ROBO1: variants seen among roughly 807,000 people sequenced by gnomAD.
The protein encoded by ROBO1 is roundabout homolog 1.
In ROBO1, 149 loss-of-function variants were observed where a neutral mutation model predicts 195.9. That is an observed-to-expected ratio of 0.76 (90% confidence interval 0.67 to 0.87). The LOEUF (loss-of-function observed/expected upper bound fraction) is 0.87. Ranked by LOEUF, ROBO1 falls within the 40% of genes least tolerant of loss-of-function variation. ROBO1 has a pLI of 0.00. For missense variants in ROBO1, 1,933 were observed against 2,068.3 expected, an observed-to-expected ratio of 0.93 and a Z score of 1.27; for synonymous variants, 816 against 733.2, an observed-to-expected ratio of 1.11 and a Z score of -1.82.
At chr3:79,416,959 TA>T (rs1342159967) in intron 2 of ROBO1, among the ~76,000 whole-genome samples, 3 of 152,122 alleles carry the variant, frequency 2.0e-5, no homozygotes, top group African/African-American at 7.2e-5. Context: ...ATTTCTCAGT[TA>T]AAAAAGTAAC....
intron 2 of ROBO1, among the ~76,000 whole-genome samples, chr3:79,379,830 G>T (rs1482587569): frequency 6.6e-6 from 1 of 152,060 alleles, no homozygotes; most frequent in African/African-American, 2.4e-5. Flanking sequence ...ATAAAATATT[G>T]AGCCCCATTG....
rs1267628777 is a variant in ROBO1 at position 79,090,974 on chromosome 3, G to GT, written c.172+34481dup. 2.0e-5 allele frequency among the ~76,000 whole-genome samples: 3 copies of GT among 152,030 alleles called. No individual in the cohort carries two copies. The East Asian group carries it at 5.8e-4, about 29-fold the overall frequency. On this transcript the variant is annotated intron_variant, in intron 3 of 30. Transcript: ENST00000464233. ...AGAATAATCATAGTTTTAATAGATA[G>GT]TTTTATGCTAAGTTTAGATTTCAGA...
At chr3:79,374,767 A>G (rs905362562) in intron 2 of ROBO1, among the ~76,000 whole-genome samples, 7 of 152,138 alleles carry the variant, frequency 4.6e-5, no homozygotes, top group Admixed American at 6.6e-5. Context: ...TATTTTTGCC[A>G]TTCAAAAAAA....
intron 21 of ROBO1, among the ~76,000 whole-genome samples, 182 bp downstream of exon 21, chr3:78,645,966 C>A (rs1706255731): frequency 6.6e-6 from 1 of 151,938 alleles, no homozygotes; most frequent in Non-Finnish European, 1.5e-5. Context: ...CTACTCCAAT[C>A]AACTACATTT....
intron 1 of ROBO1, among the ~76,000 whole-genome samples, chr3:79,610,686 TATC>T (rs915951650): frequency 1.2e-4 from 19 of 152,018 alleles, no homozygotes; most frequent in African/African-American, 4.1e-4. Flanking sequence ...AAAGACGAGA[TATC>T]ATACTTTGCT....
intron 1 of ROBO1, among the ~76,000 whole-genome samples, chr3:79,640,897 C>T (rs900712067): frequency 6.6e-6 from 1 of 152,168 alleles, no homozygotes; most frequent in African/African-American, 2.4e-5. Flanking sequence ...CCCCAGGATA[C>T]AATCTCAACT....
chr3:79,339,321 G>A (rs1003222132), intron 2 of ROBO1, among the ~76,000 whole-genome samples: 2 of 152,132 alleles, frequency 1.3e-5, no homozygotes, highest in African/African-American at 2.4e-5. Context: ...GTAATGGACC[G>A]TAAGAGCCTG....
At chr3:79,070,570 G>C (rs1401854230) in intron 3 of ROBO1, among the ~76,000 whole-genome samples, 1 of 151,786 alleles carries the variant, frequency 6.6e-6, no homozygotes, top group Admixed American at 6.6e-5. Flanking sequence ...GAAAAGATGT[G>C]AGCTGTCAGT....
rs568205472 is a variant in ROBO1 at position 79,612,333 on chromosome 3, TCCATGTCCCTACAAAGGA to T, written c.-50-22390_-50-22373del. 3.0e-3 allele frequency among the ~76,000 whole-genome samples: 443 copies of T among 147,182 alleles called. 2 individuals are homozygous for T. Among genetic ancestry groups the T allele is most frequent in the African/African-American group, 0.011 (431 of 39,786 alleles). ...CTGAGAATGATGATTTCCAATTTCA[TCCATGTCCCTACAAAGGA>T]CATGAACTCATCATTTTTTATGGCT... On this transcript the variant is annotated intron_variant, in intron 1 of 30. Transcript: ENST00000464233.
intron 2 of ROBO1, among the ~76,000 whole-genome samples, chr3:79,510,526 C>T (rs1412680470): frequency 6.6e-6 from 1 of 150,392 alleles, no homozygotes; most frequent in African/African-American, 2.5e-5. Context: ...TGTTGGAGTA[C>T]ATGGTTATTT....
chr3:79,514,553 G>T (rs1575950011), intron 2 of ROBO1, among the ~76,000 whole-genome samples: 1 of 151,978 alleles, frequency 6.6e-6, no homozygotes, highest in East Asian at 1.9e-4. Context: ...AATCTGTACT[G>T]GTCCTTGTCT....
rs563434514 is a variant in ROBO1 at position 79,236,277 on chromosome 3, C to CTACT, written c.89-110742_89-110739dup. ...CCTGCATTACCTCTACTTGCCCCCT[C>CTACT]TACTTGCTCTGTCCATTTCCTTATC... On this transcript the variant is annotated intron_variant, in intron 2 of 30. Transcript: ENST00000464233. Among the ~76,000 whole-genome samples, 7 of 152,278 alleles carry CTACT rather than the reference C, an allele frequency of 4.6e-5. No homozygotes were observed. The South Asian group carries it at 1.5e-3, about 32-fold the overall frequency.
rs201767376 is a variant in ROBO1 at position 79,118,234 on chromosome 3, G to GT, written c.172+7221_172+7222insA. Among the ~76,000 whole-genome samples, 1,149 of 136,888 alleles carry GT rather than the reference G, an allele frequency of 8.4e-3. 13 individuals are homozygous for GT. Among genetic ancestry groups the GT allele is most frequent in the East Asian group, 0.042 (194 of 4,614 alleles). The allele number at this position is 136,888 out of a possible 152,430, so 89.8% of individuals were successfully genotyped here. ...AGGCTGGTACAAAAGTAATTGTGTG[G>GT]GTTTTTTTTTTTTTTTGCAATTTTT... On this transcript the variant is annotated intron_variant, in intron 3 of 30. Coordinates refer to ENST00000464233, the MANE Select transcript of ROBO1 (RefSeq NM_002941.4).
chr3:79,114,831 C>A (rs1250964324), intron 3 of ROBO1, among the ~76,000 whole-genome samples: 1 of 152,054 alleles, frequency 6.6e-6, no homozygotes, highest in Non-Finnish European at 1.5e-5. Flanking sequence ...ACCAAGGGAC[C>A]CATCATGCTA....
chr3:79,363,868 A>T (rs909457324), intron 2 of ROBO1, among the ~76,000 whole-genome samples: 2 of 152,220 alleles, frequency 1.3e-5, no homozygotes, highest in Admixed American at 6.5e-5. Context: ...TATTGCAATC[A>T]GTCATTTTTC....
At chr3:79,645,318 G>A (rs12714488) in intron 1 of ROBO1, among the ~76,000 whole-genome samples, 87,872 of 151,588 alleles carry the variant, frequency 0.58, 25,793 homozygotes, top group South Asian at 0.67. Context: ...CTTGGGCAAC[G>A]TCACAAGGCC....
At chr3:79,049,489 G>A (rs1219027047) in intron 3 of ROBO1, among the ~76,000 whole-genome samples, 5 of 152,132 alleles carry the variant, frequency 3.3e-5, no homozygotes, top group Admixed American at 2.6e-4. Context: ...ATATTATCCA[G>A]GAGGACTTCC....
At chr3:78,866,109 C>A (rs917538435) in intron 4 of ROBO1, among the ~76,000 whole-genome samples, 1 of 152,090 alleles carries the variant, frequency 6.6e-6, no homozygotes, top group African/African-American at 2.4e-5. Flanking sequence ...GGAAAATAAA[C>A]ATACTTATTT....
intron 3 of ROBO1, among the ~76,000 whole-genome samples, chr3:79,047,091 T>G (rs1453874359): frequency 6.6e-6 from 1 of 152,062 alleles, no homozygotes; most frequent in African/African-American, 2.4e-5. Context: ...TAAATTGCCT[T>G]GAACAGACTT....
Sources: gnomAD v4.1 joint callset for allele counts (sites outside exome capture counted in the v4.1 genomes callset) on GRCh38, gnomAD v4.1.1 for gene constraint, MANE v1.5 for transcripts, NCBI Gene and HGNC (gene_info 2026-07-23, HGNC 2026-07-21) for gene names.